Variants in MOG observed in about 807,000 individuals in gnomAD.
The protein encoded by MOG is myelin-oligodendrocyte glycoprotein.
MOG carries 20 observed loss-of-function variants against 35.9 expected under a neutral mutation model. The observed-to-expected ratio is 0.56, with a 90% CI of 0.39 to 0.81. MOG has a LOEUF of 0.81. Ranked by LOEUF, MOG falls within the 30% of genes least tolerant of loss-of-function variation. The pLI, the probability that MOG is intolerant of heterozygous loss-of-function variation, is 0.00. For synonymous variants in MOG, 92 were observed against 114.3 expected, an observed-to-expected ratio of 0.80 and a Z score of 1.25; for missense variants, 251 against 301.0, an observed-to-expected ratio of 0.83 and a Z score of 1.23.
At position 29,661,583 on chromosome 6, in the gene MOG, G is replaced by A. The variant is rs1429452673; in HGVS notation, c.436+1917G>A. On this transcript the variant is annotated intron_variant, in intron 2 of 7. Transcript: ENST00000376917. ...CACCTATAATCCCAAAACTTTGGGA[G>A]GCCGAGGCGGGTGGATCACCTGAGG... is the stretch of plus-strand genomic sequence containing the variant. 6.2e-6 allele frequency: 6 copies of A among 970,150 alleles called. No individual in the cohort carries two copies. In the South Asian group the frequency reaches 2.9e-4, roughly 46 times the overall value. The allele number at this position is 970,150 out of a possible 1,614,324, so 60.1% of individuals were successfully genotyped here.
At chr6:29,659,840 A>T in intron 2 of MOG, 174 bp downstream of exon 2, 3 of 653,800 alleles carry the variant, frequency 4.6e-6, no homozygotes, top group South Asian at 3.6e-5. Context: ...TTGCATCATT[A>T]TTCAGAGTAG....
chr6:29,670,565 G>A lies in MOG; in HGVS notation c.710-136G>A, dbSNP rs1045968299. The stretch of plus-strand genomic sequence containing the variant: ...CCAGGCTCTTCTGAGAAACTGTGAA[G>A]AGAACCACTTACTGGATCTGTGGGA... On this transcript the variant is annotated intron_variant, in intron 6 of 7. Transcript: ENST00000376917. This position sits in a 1 kb window ranked among gnomAD's most constrained non-coding sequence, Gnocchi z 4.2. 85 of 1,562,568 alleles carry A rather than the reference G, an allele frequency of 5.4e-5. No homozygotes were observed. The highest frequency in any genetic ancestry group is 6.9e-5 in the Non-Finnish European group (79 of 1,146,022).
rs1363568938 is a variant in MOG at position 29,659,440 on chromosome 6, C to T, written c.210C>T (p.Arg70=). 3.1e-6 allele frequency: 5 copies of T among 1,612,808 alleles called. No individual in the cohort carries two copies. The East Asian group carries it at 8.9e-5, about 29-fold the overall frequency. ...CAGGCATGGAGGTGGGGTGGTACCG[C>T]CCCCCCTTCTCTAGGGTGGTTCATC... ...NATGMEVGWY[R]PPFSRVVHLY... is the part of the protein sequence containing the mutation. Residue 70 remains arginine, a synonymous_variant, in exon 2 of 8, where the codon CGC becomes CGT. Transcript: ENST00000376917.
At chr6:29,663,105 T>A (rs1769253104) in intron 2 of MOG, among the ~76,000 whole-genome samples, 1 of 151,982 alleles carries the variant, frequency 6.6e-6, no homozygotes, top group South Asian at 2.1e-4. Flanking sequence ...CCATTTCTAC[T>A]ACAAATACAA....
chr6:29,669,205 G>A (rs2127533513), intron 5 of MOG, among the ~76,000 whole-genome samples: 1 of 152,060 alleles, frequency 6.6e-6, no homozygotes, highest in South Asian at 2.1e-4. Context: ...ACGGGCATGA[G>A]CCACCGTGCC....
chr6:29,664,632 T>A (rs1374105929), intron 2 of MOG: 2 of 450,754 alleles, frequency 4.4e-6, no homozygotes, highest in South Asian at 1.6e-5. Context: ...TGAGACAGTG[T>A]CTCACTCTGT....
In MOG at chr6:29,670,744, T is replaced by C. The variant is rs1402569470; in HGVS notation, c.730+23T>C. On this transcript the variant is annotated intron_variant, in intron 7 of 7. Coordinates refer to ENST00000376917, the MANE Select transcript of MOG (RefSeq NM_206809.4). The surrounding 1 kb of genome is among the most constrained non-coding windows in gnomAD (Gnocchi z 4.2). ...TACGTAAGTTCTCTTCTCTCTGTTA[T>C]AAGCAGAGAATAAAAAGCCAGGAAA... is the stretch of plus-strand genomic sequence containing the variant. 1.9e-6 allele frequency: 3 copies of C among 1,603,172 alleles called. No homozygotes were observed. In the African/African-American group the frequency reaches 4.1e-5, roughly 22 times the overall value.
rs200307543 is a variant in MOG, at chr6:29,659,495, G to A, written c.265G>A (p.Asp89Asn). ...LYRNGKDQDG[D>N]QAPEYRGRTE... ...CAGAAATGGCAAGGACCAAGATGGA[G>A]ACCAGGCACCTGAATATCGGGGCCG... Residue 89 changes from aspartate (D) to asparagine (N), a missense_variant, in exon 2 of 8, where the codon GAC (aspartate) becomes AAC (asparagine). By Grantham distance (23) the Asp-to-Asn change is conservative (BLOSUM62 1). Coordinates refer to ENST00000376917, the MANE Select transcript of MOG (RefSeq NM_206809.4). 1.9e-6 allele frequency: 3 copies of A among 1,613,100 alleles called. No individual in the cohort carries two copies. Among genetic ancestry groups the A allele is most frequent in the Non-Finnish European group, 2.5e-6 (3 of 1,180,044 alleles).
At position 29,662,789 on chromosome 6, in the gene MOG, G is replaced by C. The variant is rs1769142025; in HGVS notation, c.436+3123G>C. Among the ~76,000 whole-genome samples the C allele has an allele frequency of 6.6e-6, 1 of 152,046 alleles. No individual in the cohort carries two copies. The highest frequency in any genetic ancestry group is 2.1e-4 in the South Asian group (1 of 4,806). On this transcript the variant is annotated intron_variant, in intron 2 of 7. Transcript: ENST00000376917. The surrounding 1 kb of genome is among the most constrained non-coding windows in gnomAD (Gnocchi z 4.2). Reference sequence around the variant, plus strand: ...CCATCCTCCCACCTCAGCCTACATAGTAGCTGGGACCACAGGCACACACCA... The same window carrying C: ...CCATCCTCCCACCTCAGCCTACATACTAGCTGGGACCACAGGCACACACCA...
intron 3 of MOG, among the ~76,000 whole-genome samples, chr6:29,666,596 A>G (rs1770273691): frequency 6.6e-6 from 1 of 152,198 alleles, no homozygotes; most frequent in Non-Finnish European, 1.5e-5. Flanking sequence ...AGGCCTCTGT[A>G]TCATACCTAG....
chr6:29,658,822 G>C (rs1767778162), intron 1 of MOG, among the ~76,000 whole-genome samples: 1 of 152,168 alleles, frequency 6.6e-6, no homozygotes, highest in Non-Finnish European at 1.5e-5. Context: ...TTCTCAAGAA[G>C]GAAACTTGAG....
rs1403235607 is a variant in MOG, at chr6:29,671,347, T to C, written c.*162T>C. The stretch of plus-strand genomic sequence containing the variant: ...ACTCTGAATTCCAAGTAGAATTGAT[T>C]TCCCTTCTTCTGTCATCTACCTTTT... On this transcript the variant is annotated 3_prime_UTR_variant, in exon 8 of 8. Transcript: ENST00000376917. 5.0e-6 allele frequency: 8 copies of C among 1,611,762 alleles called. No homozygotes were observed. The highest frequency in any genetic ancestry group is 1.8e-4 in the Middle Eastern group (1 of 5,504).
Position 29,667,891 on chromosome 6 carries a change from G to A in MOG, c.572-13G>A. On this transcript the variant is annotated splice_polypyrimidine_tract_variant and intron_variant, in intron 4 of 7. Coordinates refer to ENST00000376917, the MANE Select transcript of MOG (RefSeq NM_206809.4). ...TGCCCTACTAAATCCATTTCCATTT[G>A]TTTCTCTTTCAGAGAATCTCCACCG... The A allele has an allele frequency of 6.2e-7, 1 of 1,613,592 alleles. No individual in the cohort carries two copies. The highest frequency in any genetic ancestry group is 8.5e-7 in the Non-Finnish European group (1 of 1,179,940).
intron 5 of MOG, among the ~76,000 whole-genome samples, chr6:29,669,141 G>C (rs1037487504): frequency 6.6e-6 from 1 of 151,922 alleles, no homozygotes; most frequent in African/African-American, 2.4e-5. Flanking sequence ...GGCTGGCCTC[G>C]AACTCCTGAC....
At position 29,672,321 on chromosome 6, in the gene MOG, TAAATAAATAAATAAAA is replaced by T. The variant is rs1213009528; in HGVS notation, c.*1139_*1154del. On this transcript the variant is annotated 3_prime_UTR_variant, in exon 8 of 8. Coordinates refer to ENST00000376917, the MANE Select transcript of MOG (RefSeq NM_206809.4). Reference sequence around the variant, plus strand: ...ATAAATAAATAAATAAATAAATAAATAAATAAATAAATAAAAAATAATAATACAAGTTTTCATAAGC... The same window carrying T: ...ATAAATAAATAAATAAATAAATAAATAATAATAATACAAGTTTTCATAAGC... 11 of 278,074 alleles carry T rather than the reference TAAATAAATAAATAAAA, an allele frequency of 4.0e-5. No homozygotes were observed. In the East Asian group the frequency reaches 4.5e-4, roughly 11 times the overall value. The allele number at this position is 278,074 out of a possible 1,614,324, so 17.2% of individuals were successfully genotyped here. A position where few individuals can be genotyped will look rare whatever the true frequency, so the allele number is the denominator to read the frequency against.
chr6:29,661,610 C>A (rs1299796529), intron 2 of MOG: 1 of 927,550 alleles, frequency 1.1e-6, no homozygotes, highest in African/African-American at 1.8e-5. Context: ...CACCTGAGGT[C>A]GGGAGTTCGA....
intron 1 of MOG, 130 bp downstream of exon 1, chr6:29,657,427 C>T: frequency 6.7e-6 from 5 of 742,270 alleles, no homozygotes; most frequent in Non-Finnish European, 1.2e-5. Context: ...TACTGACATG[C>T]CTCCCTTCCT....
chr6:29,660,719 CCTTT>C (rs1768488254), intron 2 of MOG, among the ~76,000 whole-genome samples: 1 of 144,426 alleles, frequency 6.9e-6, no homozygotes, highest in African/African-American at 2.6e-5. Context: ...TTTTTTTTTT[CCTTT>C]CTTTCTTTTC....
Position 29,671,545 on chromosome 6 carries a change from T to C in MOG, c.*360T>C. On this transcript the variant is annotated 3_prime_UTR_variant, in exon 8 of 8. Coordinates refer to ENST00000376917, the MANE Select transcript of MOG (RefSeq NM_206809.4). ...CATGAACTGGAGGCCAGGAATCTCC[T>C]CACTGAAAATTACAGTATGGTAACT... 1.1e-6 allele frequency: 1 copy of C among 898,690 alleles called. No homozygotes were observed. The highest frequency in any genetic ancestry group is 1.3e-5 in the South Asian group (1 of 76,682). The allele number at this position is 898,690 out of a possible 1,614,324, so 55.7% of individuals were successfully genotyped here.
Sources: gnomAD v4.1 joint callset for allele counts (sites outside exome capture counted in the v4.1 genomes callset) on GRCh38, gnomAD v4.1.1 for gene constraint, Gnocchi (gnomAD v3.1) non-coding constraint, MANE v1.5 for transcripts, NCBI Gene and HGNC (gene_info 2026-07-23, HGNC 2026-07-21) for gene names.